BCAR3: variants seen among roughly 807,000 people sequenced by gnomAD.
The protein encoded by BCAR3 is BCAR3 adaptor protein, NSP family member.
Under a neutral mutation model 80.1 loss-of-function variants are expected in BCAR3, and 37 were observed. The ratio of observed to expected loss-of-function variants is 0.46; its 90% confidence interval spans 0.36 to 0.61. The LOEUF (loss-of-function observed/expected upper bound fraction) is 0.61, where lower values mean the gene tolerates loss of function less well. Among genes scored for constraint, BCAR3 ranks in the 20% least tolerant of loss-of-function variants. The probability of loss-of-function intolerance (pLI) is 0.00; values close to 1 mark genes in which losing one functional copy is unlikely to be tolerated. For synonymous variants in BCAR3, 389 were observed against 418.9 expected (o/e 0.93, Z 0.87); for missense variants, 978 against 1,068.2 (o/e 0.92, Z 1.18).
Position 93,632,879 on chromosome 1 carries a change from C to T in BCAR3, c.357+9425G>A, listed in dbSNP as rs534690797. ...ATAAAAATATAAAAAATTAGCCAGGCGTGGTGGCGGGTGCCTATAATCCCA... is the reference window on the plus strand; with the variant it reads ...ATAAAAATATAAAAAATTAGCCAGGTGTGGTGGCGGGTGCCTATAATCCCA... On this transcript the variant is annotated intron_variant, in intron 3 of 11. Transcript: ENST00000260502. 5.9e-5 allele frequency among the ~76,000 whole-genome samples: 9 copies of T among 152,142 alleles called. No homozygotes were observed. The South Asian group carries it at 1.7e-3, about 28-fold the overall frequency.
intron 2 of BCAR3, among the ~76,000 whole-genome samples, chr1:93,730,001 T>A (rs1003219859): frequency 7.9e-5 from 12 of 152,262 alleles, no homozygotes; most frequent in African/African-American, 2.9e-4. Context: ...GTGCATTTTA[T>A]GTCTTAAATT....
chr1:93,842,148 CTTT>C (rs3068798), intron 2 of BCAR3, among the ~76,000 whole-genome samples: 4 of 143,424 alleles, frequency 2.8e-5, no homozygotes, highest in African/African-American at 1.0e-4. Flanking sequence ...ACCTGTCATC[CTTT>C]TTTTTTTTTT....
In BCAR3 at chr1:93,586,416, G is replaced by C. The variant is rs1171388566; in HGVS notation, c.930-2295C>G. Among the ~76,000 whole-genome samples the C allele has an allele frequency of 6.6e-6, 1 of 152,194 alleles. No homozygotes were observed. The highest frequency in any genetic ancestry group is 1.5e-5 in the Non-Finnish European group (1 of 68,042). The stretch of plus-strand genomic sequence containing the variant: ...TTTTATGGCTGAATAGTACTCCACT[G>C]TGTATATACACATTTCCCTTATCTA... On this transcript the variant is annotated intron_variant, in intron 5 of 11. Coordinates refer to ENST00000260502, the MANE Select transcript of BCAR3 (RefSeq NM_003567.4). This position sits in a 1 kb window ranked among gnomAD's most constrained non-coding sequence, Gnocchi z 4.2.
intron 2 of BCAR3, among the ~76,000 whole-genome samples, chr1:93,806,305 G>A (rs74101571): frequency 0.14 from 21,522 of 152,166 alleles, 2,483 homozygotes; most frequent in African/African-American, 0.31. Flanking sequence ...GATGGTTGAG[G>A]CTTAAATATT....
chr1:93,565,145 C>T (rs547057535), intron 11 of BCAR3, among the ~76,000 whole-genome samples: 189 of 151,594 alleles, frequency 1.2e-3, no homozygotes, highest in Middle Eastern at 3.4e-3. Context: ...GGCACAATCT[C>T]GGCTCAATGA....
Position 93,736,127 on chromosome 1 carries a change from CA to C in BCAR3, c.-62-29986del, listed in dbSNP as rs1339110962. Among the ~76,000 whole-genome samples the C allele has an allele frequency of 2.6e-4, 39 of 152,294 alleles. 3 individuals are homozygous for C. Among genetic ancestry groups the C allele is most frequent in the Admixed American group, 1.2e-3 (19 of 15,298 alleles). The stretch of plus-strand genomic sequence containing the variant: ...AATTAAGAAAAGAATCATGCAATTC[CA>C]TTTTAAAACAATAAATTGAACATTC... On this transcript the variant is annotated intron_variant, in intron 2 of 13. Transcript: ENST00000370244.
In BCAR3 at chr1:93,789,205, G is replaced by A. The variant is rs533047049; in HGVS notation, c.-63+56362C>T. On this transcript the variant is annotated intron_variant, in intron 2 of 13. Transcript: ENST00000370244. Reference sequence around the variant, plus strand: ...TGGCCAGGCTGGTCTCTAACGTGTGGCTTCAAGCAATCCTCCCTCCTCAGC... The same window carrying A: ...TGGCCAGGCTGGTCTCTAACGTGTGACTTCAAGCAATCCTCCCTCCTCAGC... 4.1e-3 allele frequency among the ~76,000 whole-genome samples: 627 copies of A among 152,186 alleles called. 4 individuals are homozygous for A. Among genetic ancestry groups the A allele is most frequent in the African/African-American group, 0.012 (483 of 41,522 alleles).
Position 93,592,171 on chromosome 1 carries a change from C to CGAA in BCAR3, c.486+93_486+94insTTC. ...GTTTTTGGTTACACAGGTGCTTCCG[C>CGAA]CCATGTGGCCTCGGAGTGGGACCCT... On this transcript the variant is annotated intron_variant, in intron 4 of 11. Coordinates refer to ENST00000260502, the MANE Select transcript of BCAR3 (RefSeq NM_003567.4). The surrounding 1 kb of genome is among the most constrained non-coding windows in gnomAD (Gnocchi z 4.8). 6.5e-7 allele frequency: 1 copy of CGAA among 1,549,540 alleles called. No homozygotes were observed. The highest frequency in any genetic ancestry group is 8.7e-7 in the Non-Finnish European group (1 of 1,146,258).
chr1:93,745,256 T>C (rs1256717252), intron 2 of BCAR3, among the ~76,000 whole-genome samples: 1 of 152,222 alleles, frequency 6.6e-6, no homozygotes, highest in Non-Finnish European at 1.5e-5. Flanking sequence ...GCTGTGCAGA[T>C]GGGAGTTGGC....
chr1:93,718,461 T>A (rs544010632), intron 2 of BCAR3, among the ~76,000 whole-genome samples: 1 of 152,186 alleles, frequency 6.6e-6, no homozygotes, highest in East Asian at 1.9e-4. Flanking sequence ...AGGGCAGGGA[T>A]TCTGGGGTCA....
intron 2 of BCAR3, among the ~76,000 whole-genome samples, chr1:93,729,469 G>GT (rs1650708229): frequency 2.6e-5 from 4 of 152,192 alleles, no homozygotes; most frequent in African/African-American, 7.2e-5. Context: ...CTGTCAAGAA[G>GT]CCTAAAAATT....
chr1:93,708,659 C>T (rs1649907946), intron 2 of BCAR3, among the ~76,000 whole-genome samples: 1 of 152,192 alleles, frequency 6.6e-6, no homozygotes, highest in Admixed American at 6.5e-5. Context: ...GTTCACTCTT[C>T]AATCTTTTCA....
chr1:93,569,991 G>A (rs1673141945), intron 9 of BCAR3, among the ~76,000 whole-genome samples: 1 of 152,130 alleles, frequency 6.6e-6, no homozygotes, highest in South Asian at 2.1e-4. Context: ...ATACCTGAAT[G>A]AAAAAATGAT....
intron 4 of BCAR3, among the ~76,000 whole-genome samples, chr1:93,589,983 T>C (rs1674104769): frequency 6.6e-6 from 1 of 152,180 alleles, no homozygotes; most frequent in Non-Finnish European, 1.5e-5. Context: ...AGGGTATTTG[T>C]TGGTGTCTAG....
chr1:93,836,465 T>C (rs1490141003), intron 2 of BCAR3, among the ~76,000 whole-genome samples: 1 of 151,490 alleles, frequency 6.6e-6, no homozygotes, highest in African/African-American at 2.5e-5. Flanking sequence ...CCAATCATTC[T>C]ATACGACAAA....
intron 2 of BCAR3, among the ~76,000 whole-genome samples, chr1:93,775,028 T>A (rs1652496088): frequency 6.6e-6 from 1 of 152,230 alleles, no homozygotes; most frequent in African/African-American, 2.4e-5. Context: ...GGTTACCCAC[T>A]TTCAGAGAAG....
chr1:93,687,137 A>G (rs1649003727), intron 3 of BCAR3, among the ~76,000 whole-genome samples: 1 of 152,170 alleles, frequency 6.6e-6, no homozygotes, highest in African/African-American at 2.4e-5. Flanking sequence ...GTACTTATTG[A>G]ATGAATGAAC....
intron 2 of BCAR3, among the ~76,000 whole-genome samples, chr1:93,779,138 A>T (rs936213678): frequency 4.6e-5 from 7 of 152,218 alleles, no homozygotes; most frequent in South Asian, 2.1e-4. Flanking sequence ...AGAAGCGCCG[A>T]TGCTGAGTTT....
At chr1:93,810,613 C>T (rs1294789367) in intron 2 of BCAR3, among the ~76,000 whole-genome samples, 1 of 152,214 alleles carries the variant, frequency 6.6e-6, no homozygotes, top group Non-Finnish European at 1.5e-5. Context: ...AGCAGCCTTT[C>T]ACAATCCTAC....
Sources: gnomAD v4.1 joint callset for allele counts (sites outside exome capture counted in the v4.1 genomes callset) on GRCh38, gnomAD v4.1.1 for gene constraint, Gnocchi (gnomAD v3.1) non-coding constraint, MANE v1.5 for transcripts, NCBI Gene and HGNC (gene_info 2026-07-23, HGNC 2026-07-21) for gene names.